SNAPC1: variants seen among roughly 807,000 people sequenced by gnomAD.
SNAPC1 encodes the protein small nuclear RNA activating complex polypeptide 1, also known as snRNA-activating protein complex subunit 1.
SNAPC1 carries 42 observed loss-of-function variants against 50.1 expected under a neutral mutation model. That is an observed-to-expected ratio of 0.84 (90% confidence interval 0.65 to 1.08). The LOEUF (loss-of-function observed/expected upper bound fraction) is 1.08. SNAPC1 is among the 50% of genes least tolerant of loss of function. The pLI is 0.00. For missense variants in SNAPC1, 477 were observed against 427.3 expected (o/e 1.12, Z -1.02); for synonymous variants, 164 against 144.2 (o/e 1.14, Z -0.98).
intron 8 of SNAPC1, among the ~76,000 whole-genome samples, chr14:61,783,238 C>T (rs2045090522): frequency 6.6e-6 from 1 of 151,670 alleles, no homozygotes; most frequent in Non-Finnish European, 1.5e-5. Flanking sequence ...ACCATGTTGG[C>T]CAGGCCGGTC....
intron 8 of SNAPC1, among the ~76,000 whole-genome samples, chr14:61,784,034 T>C (rs1307890359): frequency 6.6e-6 from 1 of 152,226 alleles, no homozygotes; most frequent in Non-Finnish European, 1.5e-5. Flanking sequence ...TAGCATTTTT[T>C]CCCCTATATT....
chr14:61,781,390 C>T (rs1180478895), intron 7 of SNAPC1, among the ~76,000 whole-genome samples: 1 of 143,090 alleles, frequency 7.0e-6, no homozygotes, highest in African/African-American at 2.7e-5. Context: ...GTAGAGGTTG[C>T]AGCGAGCTGA....
intron 6 of SNAPC1, among the ~76,000 whole-genome samples, 200 bp downstream of exon 6, chr14:61,778,340 C>T (rs918592325): frequency 1.3e-5 from 2 of 152,174 alleles, no homozygotes; most frequent in East Asian, 1.9e-4. Flanking sequence ...TAATTTTCCG[C>T]AGGGAAAGGA....
intron 4 of SNAPC1, among the ~76,000 whole-genome samples, chr14:61,774,648 AT>A (rs35300490): frequency 4.2e-3 from 384 of 90,868 alleles, no homozygotes; most frequent in African/African-American, 5.5e-3. Context: ...TCAGTTTCTC[AT>A]TTTTTTTTTT....
Position 61,776,109 on chromosome 14 carries a change from T to A in SNAPC1, c.549T>A (p.Val183=), listed in dbSNP as rs753505871. Reference sequence around the variant, plus strand: ...TTTGCTTTTAGGAAATGCTGAATGTTCATGATCATTATCAGAACATGAAAC... The same window carrying A: ...TTTGCTTTTAGGAAATGCTGAATGTACATGATCATTATCAGAACATGAAAC... ...TSDVLEEMLN[V]HDHYQNMKHV... The change falls in exon 5 of 10, where the codon GTT becomes GTA. Residue 183 remains valine (V), a synonymous_variant. Coordinates refer to ENST00000216294, the MANE Select transcript of SNAPC1 (RefSeq NM_003082.4). 17 of 1,593,006 alleles carry A rather than the reference T, an allele frequency of 1.1e-5. No individual in the cohort carries two copies. In the Middle Eastern group the frequency reaches 2.2e-3, roughly 202 times the overall value.
intron 7 of SNAPC1, among the ~76,000 whole-genome samples, chr14:61,781,427 G>A (rs1286024792): frequency 7.0e-6 from 1 of 142,206 alleles, no homozygotes. Context: ...TCCAGCCTGG[G>A]TGACAAAGCA....
Position 61,767,367 on chromosome 14 carries a change from A to T in SNAPC1, c.429+15A>T, listed in dbSNP as rs367781299. On this transcript the variant is annotated intron_variant, in intron 3 of 9. Coordinates refer to ENST00000216294, the MANE Select transcript of SNAPC1 (RefSeq NM_003082.4). ...TGCCCAAATTGGTATGTTGCCTAAA[A>T]TAATTTGGTTTTTTCAAAATGAGCA... 3.5e-5 allele frequency: 50 copies of T among 1,415,348 alleles called. No individual in the cohort carries two copies. The highest frequency in any genetic ancestry group is 4.1e-5 in the Non-Finnish European group (44 of 1,076,974). 87.7% of individuals were successfully genotyped at this position (1,415,348 alleles called of 1,614,324 possible).
At chr14:61,792,997 G>C (rs1160228303) in intron 9 of SNAPC1, 95 bp downstream of exon 9, 2 of 592,826 alleles carry the variant, frequency 3.4e-6, no homozygotes, top group Non-Finnish European at 6.0e-6. Context: ...ACAGTTTGCT[G>C]TGTGTTCTTG....
At chr14:61,792,291 A>G (rs1273421588) in intron 8 of SNAPC1, among the ~76,000 whole-genome samples, 1 of 152,234 alleles carries the variant, frequency 6.6e-6, no homozygotes, top group African/African-American at 2.4e-5. Flanking sequence ...TTCAGGTAAC[A>G]GAAGGTTGAT....
chr14:61,793,410 T>G (rs1354611925), intron 9 of SNAPC1, among the ~76,000 whole-genome samples: 1 of 151,758 alleles, frequency 6.6e-6, no homozygotes, highest in East Asian at 1.9e-4. Context: ...GCCTGGCTAA[T>G]TTTTGTATTT....
intron 8 of SNAPC1, among the ~76,000 whole-genome samples, chr14:61,791,563 A>G (rs2045152290): frequency 6.6e-6 from 1 of 152,152 alleles, no homozygotes; most frequent in African/African-American, 2.4e-5. Context: ...CTATCAAGAA[A>G]TAGGCCGGGC....
intron 8 of SNAPC1, among the ~76,000 whole-genome samples, chr14:61,789,267 T>C (rs892420927): frequency 5.3e-5 from 8 of 151,478 alleles, no homozygotes; most frequent in Non-Finnish European, 1.0e-4. Context: ...AGCTCTGTAT[T>C]ATGAAAGTAT....
In SNAPC1 at chr14:61,769,142, G is replaced by A. The variant is rs558910576; in HGVS notation, c.534+402G>A. On this transcript the variant is annotated intron_variant, in intron 4 of 9. Coordinates refer to ENST00000216294, the MANE Select transcript of SNAPC1 (RefSeq NM_003082.4). ...TGGGAGGCCGAGGTGGGTGGATCACGAAGTCAGGAGTTTGAGACTAGCCTG... is the reference window on the plus strand; with the variant it reads ...TGGGAGGCCGAGGTGGGTGGATCACAAAGTCAGGAGTTTGAGACTAGCCTG... Among the ~76,000 whole-genome samples, 10 of 152,010 alleles carry A rather than the reference G, an allele frequency of 6.6e-5. No individual in the cohort carries two copies. The South Asian group carries it at 1.3e-3, about 19-fold the overall frequency.
chr14:61,763,824 G>C (rs1467992141), intron 1 of SNAPC1, among the ~76,000 whole-genome samples: 1 of 152,114 alleles, frequency 6.6e-6, no homozygotes. Context: ...CAAGTTACTT[G>C]AGTTTCCATA....
intron 1 of SNAPC1, among the ~76,000 whole-genome samples, chr14:61,764,115 G>T (rs2044929890): frequency 6.6e-6 from 1 of 152,052 alleles, no homozygotes. Flanking sequence ...TGTATTTTTA[G>T]TAGAGACGGG....
At chr14:61,779,808 A>G (rs1480444408) in intron 7 of SNAPC1, among the ~76,000 whole-genome samples, 1 of 149,850 alleles carries the variant, frequency 6.7e-6, no homozygotes, top group East Asian at 2.0e-4. Context: ...TCCCAGGTTC[A>G]AGTGATTCTC....
rs772293809 is a variant in SNAPC1 at position 61,767,260 on chromosome 14, G to A, written c.337G>A (p.Asp113Asn). Residue 113 changes from aspartate to asparagine, a missense_variant, in exon 3 of 10, where the codon GAT becomes AAT. By Grantham distance (23) the Asp-to-Asn change is conservative. Transcript: ENST00000216294. ...DWDEVLKFQQ[D>N]LVNAQHFDAA... ...GGATGAAGTTTTAAAATTTCAGCAAGATTTAGTAAATGCACAGCATTTTGA... is the reference window on the plus strand; with the variant it reads ...GGATGAAGTTTTAAAATTTCAGCAAAATTTAGTAAATGCACAGCATTTTGA... 3 of 1,524,650 alleles carry A rather than the reference G, an allele frequency of 2.0e-6. No homozygotes were observed. In the South Asian group the frequency reaches 4.0e-5, roughly 20 times the overall value. The allele number at this position is 1,524,650 out of a possible 1,614,324, so 94.4% of individuals were successfully genotyped here.
chr14:61,783,015 GC>G (rs1199073741), intron 8 of SNAPC1, among the ~76,000 whole-genome samples: 1 of 138,190 alleles, frequency 7.2e-6, no homozygotes, highest in Non-Finnish European at 1.6e-5. Context: ...ATTTTCCAGT[GC>G]ATTTTTTTTT....
intron 8 of SNAPC1, among the ~76,000 whole-genome samples, chr14:61,790,533 A>G (rs921937419): frequency 3.3e-5 from 5 of 152,166 alleles, no homozygotes; most frequent in Non-Finnish European, 2.9e-5. Flanking sequence ...ACGGAGTCTT[A>G]ACCATGTTGG....
Sources: allele counts gnomAD v4.1 joint callset (sites outside exome capture counted in the v4.1 genomes callset), GRCh38; gene constraint gnomAD v4.1.1; transcripts MANE v1.5; gene names NCBI Gene and HGNC (gene_info 2026-07-23, HGNC 2026-07-21).